The following FHIT variants were observed in gnomAD, a reference collection of about 807,000 sequenced individuals.
FHIT encodes the protein bis(5'-adenosyl)-triphosphatase.
A neutral mutation model predicts 17.9 loss-of-function variants in FHIT; 19 were observed. The ratio of observed to expected loss-of-function variants is 1.06; its 90% confidence interval spans 0.74 to 1.56. The LOEUF (loss-of-function observed/expected upper bound fraction) is 1.56. Ranked by LOEUF, FHIT falls within the 40% of genes most tolerant of loss-of-function variation. The probability of loss-of-function intolerance (pLI) is 0.00; values close to 1 mark genes in which losing one functional copy is unlikely to be tolerated. For missense variants in FHIT, 248 were observed against 189.2 expected, an observed-to-expected ratio of 1.31 and a Z score of -1.82; for synonymous variants, 81 against 69.7, an observed-to-expected ratio of 1.16 and a Z score of -0.81.
chr3:61,063,385 G>A (rs180916394), intron 2 of FHIT, among the ~76,000 whole-genome samples: 19 of 152,122 alleles, frequency 1.2e-4, no homozygotes, highest in East Asian at 1.9e-4. Flanking sequence ...TGATACTGCC[G>A]GGGCTCAAAC....
intron 4 of FHIT, among the ~76,000 whole-genome samples, chr3:60,750,459 A>T (rs2108029882): frequency 6.6e-6 from 1 of 152,198 alleles, no homozygotes; most frequent in East Asian, 1.9e-4. Context: ...GAGGTGATTG[A>T]ATTATGGGAG....
At chr3:60,213,111 G>A (rs1205367130) in intron 5 of FHIT, among the ~76,000 whole-genome samples, 1 of 152,118 alleles carries the variant, frequency 6.6e-6, no homozygotes, top group Non-Finnish European at 1.5e-5. Context: ...ACGATGACAA[G>A]AACACAAATC....
At chr3:60,137,568 A>C (rs1233246569) in intron 5 of FHIT, among the ~76,000 whole-genome samples, 1 of 152,176 alleles carries the variant, frequency 6.6e-6, no homozygotes, top group Non-Finnish European at 1.5e-5. Flanking sequence ...TGGCTTCATG[A>C]TTCAGGTGGA....
chr3:60,437,930 G>A (rs1445812032), intron 5 of FHIT, among the ~76,000 whole-genome samples: 1 of 152,030 alleles, frequency 6.6e-6, no homozygotes, highest in Non-Finnish European at 1.5e-5. Flanking sequence ...CAGCTACCTA[G>A]AATAATGTAT....
intron 3 of FHIT, among the ~76,000 whole-genome samples, chr3:60,919,745 G>A (rs1553767866): frequency 6.6e-6 from 1 of 152,150 alleles, no homozygotes; most frequent in Non-Finnish European, 1.5e-5. Flanking sequence ...TAGGGAATAA[G>A]AGTGCATAGG....
intron 4 of FHIT, among the ~76,000 whole-genome samples, chr3:60,551,333 A>C (rs929067362): frequency 6.7e-6 from 1 of 148,686 alleles, no homozygotes; most frequent in Non-Finnish European, 1.5e-5. Context: ...TTGTACATTA[A>C]AAATCATCTC....
chr3:60,339,640 A>G (rs1279665250), intron 5 of FHIT, among the ~76,000 whole-genome samples: 1 of 152,194 alleles, frequency 6.6e-6, no homozygotes, highest in Non-Finnish European at 1.5e-5. Context: ...TGCCAGAAGG[A>G]AATATTTGTA....
intron 8 of FHIT, among the ~76,000 whole-genome samples, chr3:59,761,773 G>A (rs575096939): frequency 1.7e-3 from 253 of 151,854 alleles, no homozygotes; most frequent in African/African-American, 5.7e-3. Flanking sequence ...CACCTGGCTA[G>A]TTTTTGTAGA....
At chr3:61,239,049 T>C (rs894466015) in intron 1 of FHIT, among the ~76,000 whole-genome samples, 4 of 151,960 alleles carry the variant, frequency 2.6e-5, no homozygotes, top group African/African-American at 9.7e-5. Context: ...CCTGTGGAGA[T>C]AGTAGGCATT....
chr3:60,609,479 C>G (rs1177811535), intron 4 of FHIT, among the ~76,000 whole-genome samples: 4 of 152,066 alleles, frequency 2.6e-5, no homozygotes, highest in Admixed American at 2.0e-4. Flanking sequence ...GTGTGTGCCA[C>G]CACACCCAGC....
chr3:59,950,880 G>T (rs1001292628), intron 7 of FHIT, among the ~76,000 whole-genome samples: 5 of 152,186 alleles, frequency 3.3e-5, no homozygotes, highest in Non-Finnish European at 7.4e-5. Context: ...GAGACAATTT[G>T]ACAAGAGTCA....
chr3:61,222,431 T>A (rs2106831141), intron 1 of FHIT, among the ~76,000 whole-genome samples: 2 of 152,332 alleles, frequency 1.3e-5, no homozygotes, highest in South Asian at 4.1e-4. Context: ...CACAAATGCC[T>A]GCTGGCTCAT....
In FHIT at chr3:59,973,332, A is replaced by G. The variant is rs560465600; in HGVS notation, c.279+38039T>C. On this transcript the variant is annotated intron_variant, in intron 7 of 9. Transcript: ENST00000492590. Reference sequence around the variant, plus strand: ...TCCCAAACGAAGCCTAGAAGGCTTTAGTTGGCCCCATTATCTTTACTGCCT... The same window carrying G: ...TCCCAAACGAAGCCTAGAAGGCTTTGGTTGGCCCCATTATCTTTACTGCCT... Among the ~76,000 whole-genome samples, 7 of 152,250 alleles carry G rather than the reference A, an allele frequency of 4.6e-5. No individual in the cohort carries two copies. The East Asian group carries it at 9.7e-4, about 21-fold the overall frequency.
intron 5 of FHIT, among the ~76,000 whole-genome samples, chr3:60,121,168 A>G (rs1705229455): frequency 6.6e-6 from 1 of 152,186 alleles, no homozygotes; most frequent in Non-Finnish European, 1.5e-5. Context: ...ATGGTTCACT[A>G]GCCTCAGCAA....
intron 5 of FHIT, among the ~76,000 whole-genome samples, chr3:60,279,896 G>A (rs942014275): frequency 1.3e-5 from 2 of 151,868 alleles, no homozygotes; most frequent in Admixed American, 6.6e-5. Flanking sequence ...GCCAGGTATG[G>A]TGGCAGGCAC....
intron 5 of FHIT, among the ~76,000 whole-genome samples, chr3:60,247,465 A>C (rs1705461714): frequency 6.6e-6 from 1 of 152,138 alleles, no homozygotes; most frequent in Admixed American, 6.6e-5. Context: ...GAAGAAAAGA[A>C]ACTTAAAAAC....
intron 4 of FHIT, among the ~76,000 whole-genome samples, chr3:60,804,206 C>T (rs528211306): frequency 1.3e-5 from 2 of 152,310 alleles, no homozygotes; most frequent in African/African-American, 2.4e-5. Context: ...GCTACAAACA[C>T]GGCTAACTTG....
intron 4 of FHIT, among the ~76,000 whole-genome samples, chr3:60,671,957 A>G (rs1375211554): frequency 6.6e-6 from 1 of 152,230 alleles, no homozygotes; most frequent in East Asian, 1.9e-4. Flanking sequence ...TCTTGAAAAA[A>G]AAATTGGAAT....
chr3:61,063,738 G>C (rs999933140), intron 2 of FHIT, among the ~76,000 whole-genome samples: 3 of 152,012 alleles, frequency 2.0e-5, no homozygotes, highest in African/African-American at 7.3e-5. Context: ...ATGCCTCAAG[G>C]GAAGAAGGCA....
Sources: gnomAD v4.1 joint callset for allele counts (sites outside exome capture counted in the v4.1 genomes callset) on GRCh38, gnomAD v4.1.1 for gene constraint, MANE v1.5 for transcripts, NCBI Gene and HGNC (gene_info 2026-07-23, HGNC 2026-07-21) for gene names.